The following RTN4 variants were observed in gnomAD, a reference collection of about 807,000 sequenced individuals.
RTN4 encodes reticulon-4.
Under a neutral mutation model 90.4 loss-of-function variants are expected in RTN4, and 32 were observed. The observed-to-expected ratio is 0.35, with a 90% CI of 0.27 to 0.48. The LOEUF is 0.48. RTN4 is among the 20% of genes least tolerant of loss of function. RTN4 has a pLI of 0.99. For missense variants in RTN4, 1,706 were observed against 1,430.2 expected, an observed-to-expected ratio of 1.19 and a Z score of -3.11; for synonymous variants, 629 against 552.5, an observed-to-expected ratio of 1.14 and a Z score of -1.94.
chr2:55,134,943 G>A, the RTN4 span, among the ~76,000 whole-genome samples: 8 of 152,188 alleles, frequency 5.3e-5, no homozygotes, highest in African/African-American at 1.9e-4. Context: ...CACTTGAAAT[G>A]TGAGTCGGAA....
At chr2:55,019,523 G>A (rs1269667092) in intron 3 of RTN4, among the ~76,000 whole-genome samples, 1 of 152,086 alleles carries the variant, frequency 6.6e-6, no homozygotes, top group African/African-American at 2.4e-5. Context: ...CTCTAGAAGT[G>A]GTGCTATGAG....
intron 2 of RTN4, among the ~76,000 whole-genome samples, chr2:55,062,603 G>A (rs6744637): frequency 0.13 from 20,337 of 152,196 alleles, 2,057 homozygotes; most frequent in African/African-American, 0.28. Context: ...AGATTGTGTC[G>A]CAAGTAGTAC....
chr2:54,991,396 CT>C (rs1013702957), intron 3 of RTN4, among the ~76,000 whole-genome samples: 5 of 152,214 alleles, frequency 3.3e-5, no homozygotes, highest in Admixed American at 2.6e-4. Flanking sequence ...TCTATAATTT[CT>C]ACCTAAATGA....
intron 2 of RTN4, among the ~76,000 whole-genome samples, chr2:55,070,522 G>C (rs1210139962): frequency 2.1e-5 from 3 of 145,534 alleles, no homozygotes; most frequent in Non-Finnish European, 4.5e-5. Context: ...CTCCAGCCTG[G>C]GTGACTGAGC....
chr2:55,009,106 G>A (rs1680448195), intron 3 of RTN4, among the ~76,000 whole-genome samples: 1 of 151,968 alleles, frequency 6.6e-6, no homozygotes, highest in Admixed American at 6.6e-5. Context: ...AAAAGACATT[G>A]TAAAAGTTAC....
intron 3 of RTN4, among the ~76,000 whole-genome samples, chr2:55,024,431 G>A (rs189149789): frequency 1.3e-5 from 2 of 152,202 alleles, no homozygotes; most frequent in African/African-American, 4.8e-5. Context: ...TAGAGAAAAC[G>A]CAGCTAAATC....
intron 3 of RTN4, among the ~76,000 whole-genome samples, chr2:55,000,893 T>C (rs1411583013): frequency 2.0e-5 from 3 of 152,108 alleles, no homozygotes; most frequent in Non-Finnish European, 4.4e-5. Flanking sequence ...TAAATTTCAT[T>C]AAGAGATTCA....
At chr2:55,110,857 A>G (rs1376496419) in intron 1 of RTN4, among the ~76,000 whole-genome samples, 1 of 152,180 alleles carries the variant, frequency 6.6e-6, no homozygotes, top group African/African-American at 2.4e-5. Flanking sequence ...CCTGGTCAAC[A>G]TGGCAAAACC....
rs148639122 is a variant in RTN4 at position 55,026,733 on chromosome 2, C to A, written c.1366G>T (p.Asp456Tyr). 256 of 1,613,894 alleles carry A rather than the reference C, an allele frequency of 1.6e-4. 1 individual carries two copies. In the African/African-American group the frequency reaches 2.6e-3, roughly 16 times the overall value. The change falls in exon 3 of 9, where the codon GAT (aspartate) becomes TAT (tyrosine). Residue 456 changes from aspartate to tyrosine, a missense_variant. Coordinates refer to ENST00000337526, the MANE Select transcript of RTN4 (RefSeq NM_020532.5). ...CATGTGATATATGCTCCTGAACGATCCTTTATACCTTCTGGCGTACTGGGG... is the reference window on the plus strand; with the variant it reads ...CATGTGATATATGCTCCTGAACGATACTTTATACCTTCTGGCGTACTGGGG... ...SFPSTPEGIK[D>Y]RSGAYITCAP... is the part of the protein sequence containing the mutation.
upstream of RTN4, among the ~76,000 whole-genome samples, chr2:55,053,088 A>G (rs1162176549): frequency 2.6e-5 from 4 of 152,254 alleles, no homozygotes; most frequent in African/African-American, 7.2e-5. Flanking sequence ...TATAAGCACT[A>G]TCTGGTGCAG....
At chr2:55,052,080 A>G (rs1668103014), upstream of RTN4, among the ~76,000 whole-genome samples, 2 of 152,214 alleles carry the variant, frequency 1.3e-5, no homozygotes, top group African/African-American at 4.8e-5. Flanking sequence ...AAATAGGTGG[A>G]ACACAGAAGA....
At chr2:55,059,698 A>C (rs147541576) in intron 2 of RTN4, among the ~76,000 whole-genome samples, 6,094 of 151,906 alleles carry the variant, frequency 0.04, 366 homozygotes, top group African/African-American at 0.13. Flanking sequence ...GCTGGGTGTC[A>C]TGGCAGGTGC....
chr2:55,051,578 A>C (rs1668090236), upstream of RTN4, among the ~76,000 whole-genome samples: 1 of 152,130 alleles, frequency 6.6e-6, no homozygotes. Context: ...CTGCATGCCT[A>C]CTCTGGAGGC....
chr2:55,017,581 C>A (rs1681134641), intron 3 of RTN4, among the ~76,000 whole-genome samples: 1 of 152,132 alleles, frequency 6.6e-6, no homozygotes, highest in African/African-American at 2.4e-5. Context: ...TAAAAATATT[C>A]TCTGTGCATT....
Position 55,026,590 on chromosome 2 carries a change from T to A in RTN4, c.1509A>T (p.Gln503His), listed in dbSNP as rs903323358. 1 of 1,612,414 alleles carries A rather than the reference T, an allele frequency of 6.2e-7. No homozygotes were observed. Among genetic ancestry groups the A allele is most frequent in the Non-Finnish European group, 8.5e-7 (1 of 1,179,832 alleles). Residue 503 changes from glutamine to histidine, a missense_variant, in exon 3 of 9, where the codon CAA (glutamine) becomes CAT (histidine). Coordinates refer to ENST00000337526, the MANE Select transcript of RTN4 (RefSeq NM_020532.5). ...DEKKIEEKKA[Q>H]IVTEKNTSTK... ...TGCTAGTATTCTTCTCTGTTACTATTTGGGCCTTCTTTTCTTCTATTTTTT... is the reference window on the plus strand; with the variant it reads ...TGCTAGTATTCTTCTCTGTTACTATATGGGCCTTCTTTTCTTCTATTTTTT...
At chr2:55,010,532 C>CT (rs748400028) in intron 3 of RTN4, 48 of 181,286 alleles carry the variant, frequency 2.6e-4, no homozygotes, top group Non-Finnish European at 4.2e-4. Context: ...TTTTTTCTTT[C>CT]TTTTTTTAAC....
At chr2:55,098,564 A>T (rs1390002226) in intron 1 of RTN4, among the ~76,000 whole-genome samples, 2 of 152,184 alleles carry the variant, frequency 1.3e-5, no homozygotes, top group Non-Finnish European at 1.5e-5. Context: ...AGAGTTTTTT[A>T]AAACCATAAT....
the RTN4 span, among the ~76,000 whole-genome samples, chr2:55,128,465 C>G: frequency 6.6e-6 from 1 of 152,162 alleles, no homozygotes; most frequent in Non-Finnish European, 1.5e-5. Context: ...ACCCCCAGAG[C>G]AAACTCACTC....
At chr2:55,024,030 AC>A (rs1681637707) in intron 3 of RTN4, among the ~76,000 whole-genome samples, 1 of 152,186 alleles carries the variant, frequency 6.6e-6, no homozygotes, top group African/African-American at 2.4e-5. Flanking sequence ...AATATCCATA[AC>A]TTACTGGATA....
Sources: allele counts gnomAD v4.1 joint callset (sites outside exome capture counted in the v4.1 genomes callset), GRCh38; gene constraint gnomAD v4.1.1; transcripts MANE v1.5; gene names NCBI Gene and HGNC (gene_info 2026-07-23, HGNC 2026-07-21).